Variants in JAKMIP2 observed in about 807,000 individuals in gnomAD.
The protein encoded by JAKMIP2 is janus kinase and microtubule-interacting protein 2.
Under a neutral mutation model 115.0 loss-of-function variants are expected in JAKMIP2, and 25 were observed. The observed-to-expected ratio is 0.22, with a 90% CI of 0.16 to 0.30. JAKMIP2 has a LOEUF of 0.30. JAKMIP2 is among the 10% of genes least tolerant of loss of function. The pLI is 1.00. For synonymous variants in JAKMIP2, 334 were observed against 343.6 expected (o/e 0.97, Z 0.31); for missense variants, 642 against 957.6 (o/e 0.67, Z 4.35).
At chr5:147,595,244 G>T (rs529908983) in intron 21 of JAKMIP2, among the ~76,000 whole-genome samples, 7 of 152,182 alleles carry the variant, frequency 4.6e-5, no homozygotes, top group South Asian at 4.1e-4. Context: ...GAATGTTTTT[G>T]TCCCCTCCAA....
intron 1 of JAKMIP2, among the ~76,000 whole-genome samples, chr5:147,690,492 G>A (rs1479846746): frequency 4.2e-5 from 6 of 143,814 alleles, no homozygotes; most frequent in Admixed American, 2.9e-4. Context: ...GCAAGATGAC[G>A]AATGAAGTCC....
chr5:147,740,283 A>T (rs1754094381), intron 1 of JAKMIP2, among the ~76,000 whole-genome samples: 1 of 152,246 alleles, frequency 6.6e-6, no homozygotes, highest in African/African-American at 2.4e-5. Context: ...ATCAGAATGC[A>T]AGACATACAC....
intron 10 of JAKMIP2, among the ~76,000 whole-genome samples, chr5:147,638,350 T>C (rs1757720243): frequency 6.6e-6 from 1 of 152,158 alleles, no homozygotes; most frequent in Non-Finnish European, 1.5e-5. Context: ...AAAAGAAGTC[T>C]CCTTTTTTTG....
chr5:147,626,189 T>C (rs1757084128), intron 16 of JAKMIP2, among the ~76,000 whole-genome samples: 1 of 152,242 alleles, frequency 6.6e-6, no homozygotes, highest in African/African-American at 2.4e-5. Flanking sequence ...AAATTTAATC[T>C]GTGCTTTGCA....
At chr5:147,645,773 C>T (rs982723913) in intron 5 of JAKMIP2, among the ~76,000 whole-genome samples, 1 of 152,112 alleles carries the variant, frequency 6.6e-6, no homozygotes, top group Non-Finnish European at 1.5e-5. Flanking sequence ...TCCTTGGCCT[C>T]TGCTGGCTAG....
At chr5:147,744,143 C>T (rs914121628) in intron 1 of JAKMIP2, among the ~76,000 whole-genome samples, 5 of 151,972 alleles carry the variant, frequency 3.3e-5, no homozygotes, top group Non-Finnish European at 5.9e-5. Context: ...AATAAATGAA[C>T]GAACACAGCA....
At chr5:147,594,410 C>T (rs1360146995) in intron 21 of JAKMIP2, 2 of 455,356 alleles carry the variant, frequency 4.4e-6, no homozygotes, top group African/African-American at 4.0e-5. Context: ...TCTTGTCTCA[C>T]TGCAGCATCG....
intron 1 of JAKMIP2, among the ~76,000 whole-genome samples, chr5:147,690,719 T>C (rs943877733): frequency 6.6e-6 from 1 of 151,970 alleles, no homozygotes; most frequent in African/African-American, 2.4e-5. Flanking sequence ...ACATGGTTCA[T>C]TGCAAACCCT....
chr5:147,782,394 T>G, intron 1 of JAKMIP2, 62 bp downstream of exon 1: 1 of 1,501,296 alleles, frequency 6.7e-7, no homozygotes, highest in African/African-American at 1.4e-5. Flanking sequence ...GCCAGAAATG[T>G]ATACACAGGT....
At chr5:147,648,557 A>G (rs1758244445) in intron 4 of JAKMIP2, 83 bp from the exon 5 acceptor site, 1 of 767,756 alleles carries the variant, frequency 1.3e-6, no homozygotes, top group African/African-American at 1.7e-5. Context: ...TCATAAAAGT[A>G]ATAGGCTCAG....
chr5:147,642,720 A>T (rs1220837690), intron 7 of JAKMIP2, among the ~76,000 whole-genome samples: 1 of 152,020 alleles, frequency 6.6e-6, no homozygotes, highest in African/African-American at 2.4e-5. Context: ...GACTTTTACA[A>T]TTTACACATT....
intron 1 of JAKMIP2, among the ~76,000 whole-genome samples, chr5:147,778,935 A>C (rs1755660514): frequency 6.6e-6 from 1 of 152,152 alleles, no homozygotes; most frequent in Non-Finnish European, 1.5e-5. Context: ...CCTTGATAGA[A>C]TAATAGTGGA....
chr5:147,613,805 G>C (rs1323736927), intron 19 of JAKMIP2, among the ~76,000 whole-genome samples: 2 of 152,180 alleles, frequency 1.3e-5, no homozygotes, highest in African/African-American at 4.8e-5. Flanking sequence ...AAGTAAGGGG[G>C]CTAAGGTTTG....
At chr5:147,634,777 T>C (rs1191651387) in intron 12 of JAKMIP2, among the ~76,000 whole-genome samples, 2 of 152,198 alleles carry the variant, frequency 1.3e-5, no homozygotes, top group African/African-American at 4.8e-5. Context: ...AAGCATGAGA[T>C]AGAATGTCTT....
chr5:147,635,371 T>C (rs946985391), intron 12 of JAKMIP2, among the ~76,000 whole-genome samples: 4 of 151,640 alleles, frequency 2.6e-5, no homozygotes, highest in African/African-American at 9.7e-5. Flanking sequence ...GGAATACTGT[T>C]TTATGTTTTA....
At chr5:147,693,254 T>C (rs531735870) in intron 1 of JAKMIP2, among the ~76,000 whole-genome samples, 109 of 152,320 alleles carry the variant, frequency 7.2e-4, no homozygotes, top group African/African-American at 2.6e-3. Context: ...TTACTTAACA[T>C]CTCTCTGCCC....
At chr5:147,720,833 CCTT>C (rs1369665650) in intron 1 of JAKMIP2, among the ~76,000 whole-genome samples, 3 of 152,134 alleles carry the variant, frequency 2.0e-5, no homozygotes, top group East Asian at 1.9e-4. Flanking sequence ...TCATCTGAAG[CCTT>C]CTTCTCTCAG....
intron 3 of JAKMIP2, among the ~76,000 whole-genome samples, chr5:147,657,424 T>C (rs2126769097): frequency 1.3e-5 from 2 of 152,358 alleles, no homozygotes; most frequent in East Asian, 3.9e-4. Flanking sequence ...TCTCTCTGGT[T>C]ACCCTTAACA....
intron 17 of JAKMIP2, among the ~76,000 whole-genome samples, chr5:147,623,077 T>G (rs1756925385): frequency 6.6e-6 from 1 of 152,144 alleles, no homozygotes; most frequent in Non-Finnish European, 1.5e-5. Context: ...CGTACCACTA[T>G]GCCCACTAAT....
Sources: gnomAD v4.1 joint callset for allele counts (sites outside exome capture counted in the v4.1 genomes callset) on GRCh38, gnomAD v4.1.1 for gene constraint, MANE v1.5 for transcripts, NCBI Gene and HGNC (gene_info 2026-07-23, HGNC 2026-07-21) for gene names.